Variants in DOCK11 observed in about 807,000 individuals in gnomAD.
DOCK11 encodes dedicator of cytokinesis 11.
Under a neutral mutation model 169.1 loss-of-function variants are expected in DOCK11, and 70 were observed. That is an observed-to-expected ratio of 0.41 (90% CI 0.34 to 0.51). DOCK11 has a LOEUF of 0.51. DOCK11 is among the 20% of genes least tolerant of loss of function. The pLI, the probability that DOCK11 is intolerant of heterozygous loss-of-function variation, is 0.10. For synonymous variants in DOCK11, 529 were observed against 541.3 expected (o/e 0.98, Z 0.32); for missense variants, 1,166 against 1,538.8 (o/e 0.76, Z 4.05).
intron 14 of DOCK11, among the ~76,000 whole-genome samples, chrX:118,582,623 A>G (rs1311721838): frequency 8.9e-6 from 1 of 112,054 alleles, no homozygotes; most frequent in Non-Finnish European, 1.9e-5. Context: ...AGCGAAGGAT[A>G]TGAACAGACA....
chrX:118,602,919 G>A (rs2014386398), intron 23 of DOCK11, among the ~76,000 whole-genome samples: 1 of 111,966 alleles, frequency 8.9e-6, no homozygotes, highest in Non-Finnish European at 1.9e-5. Context: ...ACATTGTTCT[G>A]GATGCTATGA....
intron 1 of DOCK11, among the ~76,000 whole-genome samples, chrX:118,515,733 C>G (rs762522229): frequency 6.5e-5 from 7 of 108,083 alleles, no homozygotes; most frequent in Non-Finnish European, 1.3e-4. Context: ...TTGATAGCTT[C>G]TCTATTGTAT....
intron 23 of DOCK11, among the ~76,000 whole-genome samples, chrX:118,602,798 C>T (rs2014381889): frequency 8.9e-6 from 1 of 112,112 alleles, no homozygotes; most frequent in African/African-American, 3.2e-5. Context: ...ACCTCAGCCT[C>T]CCAAAGTGCT....
intron 44 of DOCK11, among the ~76,000 whole-genome samples, chrX:118,659,371 C>T (rs1236228731): frequency 8.9e-6 from 1 of 112,107 alleles, no homozygotes; most frequent in Non-Finnish European, 1.9e-5. Flanking sequence ...TCCAGGACCA[C>T]CTTCTACAGG....
chrX:118,564,974 C>T (rs1051169237), intron 7 of DOCK11, among the ~76,000 whole-genome samples: 19 of 109,686 alleles, frequency 1.7e-4, no homozygotes, highest in Admixed American at 3.0e-4. Flanking sequence ...CTCACTGTGT[C>T]GCCCCGGCTG....
chrX:118,548,371 A>G (rs2012361093), intron 6 of DOCK11, among the ~76,000 whole-genome samples: 1 of 112,201 alleles, frequency 8.9e-6, no homozygotes. Flanking sequence ...AAAGATGTCC[A>G]TGTCTTAATC....
intron 6 of DOCK11, 64 bp from the exon 7 acceptor site, chrX:118,561,319 G>T: frequency 9.7e-7 from 1 of 1,035,406 alleles, no homozygotes. Context: ...TTTTAGTTCA[G>T]AGAAACTATT....
chrX:118,677,701 G>T (rs1193253592), intron 48 of DOCK11, among the ~76,000 whole-genome samples: 2 of 112,084 alleles, frequency 1.8e-5, no homozygotes, highest in Admixed American at 1.9e-4. Context: ...TTAAACACAT[G>T]CCTAAGACAT....
intron 28 of DOCK11, among the ~76,000 whole-genome samples, chrX:118,611,814 G>A (rs1471731983): frequency 9.0e-6 from 1 of 110,823 alleles, no homozygotes; most frequent in Non-Finnish European, 1.9e-5. Context: ...GAGTGCACTG[G>A]TGCGATCTCA....
chrX:118,529,382 G>C (rs1344367419), intron 1 of DOCK11, among the ~76,000 whole-genome samples: 3 of 112,420 alleles, frequency 2.7e-5, no homozygotes, highest in African/African-American at 9.7e-5. Context: ...ATAAATTAGT[G>C]AGTGATGATT....
At chrX:118,600,623 C>A (rs1406169526) in intron 23 of DOCK11, among the ~76,000 whole-genome samples, 1 of 110,830 alleles carries the variant, frequency 9.0e-6, no homozygotes, top group African/African-American at 3.3e-5. Flanking sequence ...TATACGTCAT[C>A]TCATATGGTA....
intron 10 of DOCK11, among the ~76,000 whole-genome samples, chrX:118,568,370 T>TTTTA (rs2013145635): frequency 5.4e-5 from 2 of 36,733 alleles, no homozygotes; most frequent in African/African-American, 1.8e-4. Context: ...TGGGGCTGAA[T>TTTTA]TATATATATA....
rs2013879497 is a variant in DOCK11, at chrX:118,588,276, A to G, written c.1935A>G (p.Val645=). The G allele has an allele frequency of 1.7e-6, 2 of 1,189,850 alleles. No individual in the cohort carries two copies. The highest frequency in any genetic ancestry group is 1.8e-5 in the African/African-American group (1 of 56,560). ...PFTIYKNHLY[V]YPLQLKYDSQ... is the part of the protein sequence containing the mutation. ...CTATTTACAAAAACCATCTGTATGTATATCCCCTGCAATTAAAATACGATA... is the reference window on the plus strand; with the variant it reads ...CTATTTACAAAAACCATCTGTATGTGTATCCCCTGCAATTAAAATACGATA... Residue 645 remains valine, a synonymous_variant, in exon 17 of 53, where the codon GTA becomes GTG. Coordinates refer to ENST00000276202, the MANE Select transcript of DOCK11 (RefSeq NM_144658.4).
intron 23 of DOCK11, among the ~76,000 whole-genome samples, chrX:118,603,105 T>C (rs982935341): frequency 4.5e-5 from 5 of 111,922 alleles, no homozygotes; most frequent in African/African-American, 9.7e-5. Context: ...GCTGAAAGGA[T>C]GAGAGGAAGA....
At chrX:118,516,018 T>TATATATATACGC (rs1269373292) in intron 1 of DOCK11, among the ~76,000 whole-genome samples, 3 of 81,501 alleles carry the variant, frequency 3.7e-5, no homozygotes, top group African/African-American at 1.6e-4. Flanking sequence ...TATATATATA[T>TATATATATACGC]ACATTCTTAC....
At chrX:118,641,377 G>T (rs2015530644) in intron 39 of DOCK11, 72 bp downstream of exon 39, 2 of 768,488 alleles carry the variant, frequency 2.6e-6, no homozygotes, top group African/African-American at 4.1e-5. Flanking sequence ...CCTAGTCAAT[G>T]TGGGGTAGTA....
intron 16 of DOCK11, 100 bp from the exon 17 acceptor site, chrX:118,588,037 C>A: frequency 2.6e-6 from 2 of 781,318 alleles, no homozygotes; most frequent in Non-Finnish European, 3.5e-6. Flanking sequence ...TTTTAAATCG[C>A]TCTTTGAGAA....
chrX:118,524,850 G>A (rs1034834300), intron 1 of DOCK11, among the ~76,000 whole-genome samples: 1 of 111,471 alleles, frequency 9.0e-6, no homozygotes, highest in Non-Finnish European at 1.9e-5. Flanking sequence ...GTTAAATATA[G>A]AATTACCATA....
chrX:118,672,960 A>T (rs1947028268), intron 46 of DOCK11, among the ~76,000 whole-genome samples: 1 of 112,159 alleles, frequency 8.9e-6, no homozygotes, highest in African/African-American at 3.2e-5. Context: ...ATTCAAGTGA[A>T]TATATTAATA....
Sources: allele counts gnomAD v4.1 joint callset (sites outside exome capture counted in the v4.1 genomes callset), GRCh38; gene constraint gnomAD v4.1.1; transcripts MANE v1.5; gene names NCBI Gene and HGNC (gene_info 2026-07-23, HGNC 2026-07-21).